PTPRG: variants seen among roughly 807,000 people sequenced by gnomAD.
PTPRG encodes receptor-type tyrosine-protein phosphatase gamma.
PTPRG carries 102 observed loss-of-function variants against 165.3 expected under a neutral mutation model. The ratio of observed to expected loss-of-function variants is 0.62; its 90% CI spans 0.53 to 0.73. The LOEUF (loss-of-function observed/expected upper bound fraction) is 0.73, where lower values mean the gene tolerates loss of function less well. Ranked by LOEUF, PTPRG falls within the 30% of genes least tolerant of loss-of-function variation. The pLI is 0.00. For missense variants in PTPRG, 1,866 were observed against 1,861.4 expected (o/e 1.00, Z -0.05); for synonymous variants, 675 against 669.5 (o/e 1.01, Z -0.13).
At chr3:62,268,901 A>C (rs957684317) in intron 19 of PTPRG, 134 bp from the exon 20 acceptor site, 1 of 991,034 alleles carries the variant, frequency 1.0e-6, no homozygotes, top group Non-Finnish European at 1.4e-6. Context: ...TAAGCAGTTA[A>C]ACTCACGTAT....
intron 5 of PTPRG, among the ~76,000 whole-genome samples, chr3:62,091,665 T>C (rs1701935165): frequency 6.6e-6 from 1 of 152,168 alleles, no homozygotes; most frequent in South Asian, 2.1e-4. Flanking sequence ...AGCTTCCTTA[T>C]TAGTGTCTAC....
chr3:61,995,064 CTT>C (rs111238912), intron 3 of PTPRG, among the ~76,000 whole-genome samples: 14 of 104,398 alleles, frequency 1.3e-4, no homozygotes, highest in African/African-American at 4.9e-4. Flanking sequence ...TTTCTTTTTT[CTT>C]TTTTCTTTTC....
chr3:61,820,069 G>C (rs1336906707), intron 2 of PTPRG, among the ~76,000 whole-genome samples: 1 of 152,134 alleles, frequency 6.6e-6, no homozygotes, highest in African/African-American at 2.4e-5. Flanking sequence ...ATAGGATGTT[G>C]AATCACTCAT....
chr3:61,779,765 C>G (rs535469351), intron 2 of PTPRG, among the ~76,000 whole-genome samples: 1 of 152,222 alleles, frequency 6.6e-6, no homozygotes, highest in East Asian at 1.9e-4. Context: ...TTTTCAAGCA[C>G]TTATATTTTT....
intron 1 of PTPRG, among the ~76,000 whole-genome samples, chr3:61,665,289 T>C (rs1212139753): frequency 7.9e-5 from 12 of 152,174 alleles, no homozygotes; most frequent in African/African-American, 2.7e-4. Context: ...TCACTGTCTC[T>C]TCCTGGAAGT....
intron 12 of PTPRG, among the ~76,000 whole-genome samples, chr3:62,211,295 A>G (rs1031470922): frequency 6.6e-6 from 1 of 152,342 alleles, no homozygotes; most frequent in Admixed American, 6.5e-5. Context: ...TATATCTAGC[A>G]TAGTCAAACT....
At chr3:62,283,456 TC>T (rs1265616256) in intron 28 of PTPRG, among the ~76,000 whole-genome samples, 1 of 152,120 alleles carries the variant, frequency 6.6e-6, no homozygotes, top group East Asian at 1.9e-4. Flanking sequence ...CCAGCACCTT[TC>T]CACTTTAATA....
intron 2 of PTPRG, among the ~76,000 whole-genome samples, chr3:61,805,803 C>G (rs1340309577): frequency 6.6e-6 from 1 of 152,104 alleles, no homozygotes; most frequent in Non-Finnish European, 1.5e-5. Flanking sequence ...TTACCTAGAG[C>G]AAAACTCATG....
intron 2 of PTPRG, among the ~76,000 whole-genome samples, chr3:61,968,158 T>C (rs761945594): frequency 1.1e-4 from 16 of 152,326 alleles, no homozygotes; most frequent in African/African-American, 1.4e-4. Flanking sequence ...GTACTAAATT[T>C]GGCTAATACA....
intron 5 of PTPRG, among the ~76,000 whole-genome samples, chr3:62,121,089 C>T (rs1192289860): frequency 4.7e-5 from 7 of 149,262 alleles, no homozygotes; most frequent in Non-Finnish European, 6.0e-5. Context: ...GGACTACAGG[C>T]GCCCACCACT....
intron 1 of PTPRG, among the ~76,000 whole-genome samples, chr3:61,677,605 A>G (rs1003921639): frequency 1.3e-5 from 2 of 152,196 alleles, no homozygotes; most frequent in Non-Finnish European, 2.9e-5. Context: ...CCTGTGATTA[A>G]AACCTGCCCA....
At chr3:61,995,345 C>G (rs2107705819) in intron 3 of PTPRG, among the ~76,000 whole-genome samples, 1 of 152,160 alleles carries the variant, frequency 6.6e-6, no homozygotes, top group South Asian at 2.1e-4. Context: ...CCACCTCGGC[C>G]ACCCAAAGTG....
At chr3:62,083,942 T>C (rs1439661710) in intron 5 of PTPRG, among the ~76,000 whole-genome samples, 2 of 152,256 alleles carry the variant, frequency 1.3e-5, no homozygotes, top group Non-Finnish European at 2.9e-5. Flanking sequence ...GAATTTATTA[T>C]CTTAAGGGGA....
At chr3:61,709,306 T>G (rs1189344424) in intron 1 of PTPRG, among the ~76,000 whole-genome samples, 1 of 152,118 alleles carries the variant, frequency 6.6e-6, no homozygotes, top group African/African-American at 2.4e-5. Flanking sequence ...TGCATTTTAT[T>G]TTTTATTTTA....
rs1702449773 is a variant in PTPRG, at chr3:62,281,551, TGG to T, written c.3766-11_3766-10del. 37 of 1,466,948 alleles carry T rather than the reference TGG, an allele frequency of 2.5e-5. No homozygotes were observed. Among genetic ancestry groups the T allele is most frequent in the East Asian group, 5.0e-5 (2 of 40,274 alleles). 90.9% of individuals were successfully genotyped at this position (1,466,948 alleles called of 1,614,324 possible). ...GAACTGCAGAGGCTTTTTTTTTTTT[TGG>T]ATTCCAAAGGCAGAAGATGAGTTTG... On this transcript the variant is annotated splice_polypyrimidine_tract_variant and intron_variant, in intron 26 of 29. Coordinates refer to ENST00000474889, the MANE Select transcript of PTPRG (RefSeq NM_002841.4).
chr3:61,678,097 G>A (rs1485789010), intron 1 of PTPRG, among the ~76,000 whole-genome samples: 1 of 152,126 alleles, frequency 6.6e-6, no homozygotes, highest in African/African-American at 2.4e-5. Context: ...GTGAATGAGG[G>A]GCTGTGGCTG....
intron 1 of PTPRG, among the ~76,000 whole-genome samples, chr3:61,619,314 A>G (rs1035674933): frequency 1.3e-5 from 2 of 152,164 alleles, no homozygotes; most frequent in Admixed American, 6.5e-5. Context: ...ATTTCTGCCT[A>G]TTGATGAGTA....
At chr3:62,058,547 G>A (rs1700705916) in intron 4 of PTPRG, among the ~76,000 whole-genome samples, 1 of 151,922 alleles carries the variant, frequency 6.6e-6, no homozygotes, top group Admixed American at 6.6e-5. Context: ...TTTTTGTTGG[G>A]ATCTACAGAA....
chr3:62,193,576 C>T (rs940487745), intron 9 of PTPRG, among the ~76,000 whole-genome samples: 4 of 152,290 alleles, frequency 2.6e-5, no homozygotes, highest in Admixed American at 6.5e-5. Flanking sequence ...ATTTGAGCAG[C>T]ATTTTCTAGA....
Sources: gnomAD v4.1 joint callset for allele counts (sites outside exome capture counted in the v4.1 genomes callset) on GRCh38, gnomAD v4.1.1 for gene constraint, MANE v1.5 for transcripts, NCBI Gene and HGNC (gene_info 2026-07-23, HGNC 2026-07-21) for gene names.